CLCN5: variants seen among roughly 807,000 people sequenced by gnomAD.
CLCN5 encodes the protein H(+)/Cl(-) exchange transporter 5.
CLCN5 carries 17 observed loss-of-function variants against 54.0 expected under a neutral mutation model. The observed-to-expected ratio is 0.31, with a 90% CI of 0.22 to 0.47. The LOEUF (loss-of-function observed/expected upper bound fraction) is 0.47. Ranked by LOEUF, CLCN5 falls within the 20% of genes least tolerant of loss-of-function variation. CLCN5 has a pLI of 1.00. For missense variants in CLCN5, 448 were observed against 646.7 expected (o/e 0.69, Z 3.33); for synonymous variants, 222 against 233.0 (o/e 0.95, Z 0.43).
chrX:49,999,202 A>G (rs1557180021), intron 3 of CLCN5, among the ~76,000 whole-genome samples: 2 of 110,723 alleles, frequency 1.8e-5, no homozygotes, highest in Non-Finnish European at 3.8e-5. Context: ...GTCTGTGTAC[A>G]TCCTCTGTCT....
chrX:50,065,300 C>G (rs1248993787), intron 4 of CLCN5, among the ~76,000 whole-genome samples: 1 of 89,212 alleles, frequency 1.1e-5, no homozygotes, highest in Non-Finnish European at 2.2e-5. Context: ...ACAATGAACT[C>G]AAACAAATTT....
chrX:50,063,660 G>T (rs1557190297), intron 4 of CLCN5, among the ~76,000 whole-genome samples: 1 of 106,389 alleles, frequency 9.4e-6, no homozygotes, highest in Admixed American at 1.0e-4. Flanking sequence ...CTCATTTTAT[G>T]AGGCCAGCAT....
chrX:49,980,333 G>A (rs1403635079), intron 3 of CLCN5, among the ~76,000 whole-genome samples: 1 of 111,180 alleles, frequency 9.0e-6, no homozygotes, highest in African/African-American at 3.3e-5. Context: ...TTTAAATACT[G>A]TAAAATAACA....
chrX:49,986,085 A>G (rs1337640462), intron 3 of CLCN5, among the ~76,000 whole-genome samples: 1 of 111,420 alleles, frequency 9.0e-6, no homozygotes, highest in African/African-American at 3.3e-5. Flanking sequence ...ATTTGTAATA[A>G]TGTATTGGTT....
At chrX:50,071,284 G>A (rs782298376) in intron 5 of CLCN5, among the ~76,000 whole-genome samples, 4 of 111,694 alleles carry the variant, frequency 3.6e-5, no homozygotes, top group South Asian at 3.8e-4. Context: ...GTCACAACTC[G>A]AAAAGTTGAT....
intron 9 of CLCN5, among the ~76,000 whole-genome samples, chrX:50,082,648 G>A (rs782153023): frequency 1.8e-5 from 2 of 111,613 alleles, no homozygotes; most frequent in African/African-American, 3.3e-5. Flanking sequence ...TCTATGGTGA[G>A]TGGGAGAGTG....
intron 3 of CLCN5, among the ~76,000 whole-genome samples, chrX:50,018,754 C>T (rs2147421106): frequency 8.9e-6 from 1 of 112,194 alleles, no homozygotes; most frequent in South Asian, 3.7e-4. Flanking sequence ...CTAGATTACG[C>T]TAATTTATTT....
chrX:50,043,965 A>G (rs1159622391), intron 4 of CLCN5, among the ~76,000 whole-genome samples: 1 of 111,724 alleles, frequency 9.0e-6, no homozygotes, highest in African/African-American at 3.3e-5. Context: ...AATTCATATT[A>G]AGTACATAAG....
chrX:50,027,037 C>T (rs1250079804), intron 3 of CLCN5, among the ~76,000 whole-genome samples: 17 of 97,195 alleles, frequency 1.7e-4, no homozygotes, highest in African/African-American at 2.8e-4. Context: ...TTTTTTGAGA[C>T]GAAGTCTTGG....
At chrX:50,037,712 G>A (rs1932056940) in intron 3 of CLCN5, among the ~76,000 whole-genome samples, 1 of 111,631 alleles carries the variant, frequency 9.0e-6, no homozygotes, top group Non-Finnish European at 1.9e-5. Context: ...TGAAGGGGAA[G>A]GTACATATAT....
intron 3 of CLCN5, among the ~76,000 whole-genome samples, chrX:50,032,268 C>T (rs1366862994): frequency 1.9e-5 from 2 of 105,759 alleles, no homozygotes; most frequent in Admixed American, 1.0e-4. Flanking sequence ...TGGTATTTCT[C>T]GTTCTAGATT....
chrX:49,980,034 A>G (rs188297386), intron 3 of CLCN5, among the ~76,000 whole-genome samples: 104 of 111,792 alleles, frequency 9.3e-4, no homozygotes, highest in Non-Finnish European at 1.7e-3. Context: ...TATAAATACT[A>G]ACTAATCATA....
Position 50,052,199 on chromosome X carries a change from T to G in CLCN5, c.163+9737T>G, listed in dbSNP as rs189530720. On this transcript the variant is annotated intron_variant, in intron 4 of 14. Coordinates refer to ENST00000376091, the MANE Select transcript of CLCN5 (RefSeq NM_001127898.4). Reference sequence around the variant, plus strand: ...ATGTTCTTTATTAAGTTGAGGAAATTATACTTTATTCCTACTTTGCTGAGA... The same window carrying G: ...ATGTTCTTTATTAAGTTGAGGAAATGATACTTTATTCCTACTTTGCTGAGA... Among the ~76,000 whole-genome samples the G allele has an allele frequency of 4.5e-5, 5 of 111,977 alleles. No individual in the cohort carries two copies. In the East Asian group the frequency reaches 1.4e-3, roughly 31 times the overall value.
chrX:50,059,625 A>G (rs1402647752), intron 4 of CLCN5, among the ~76,000 whole-genome samples: 2 of 111,300 alleles, frequency 1.8e-5, no homozygotes, highest in African/African-American at 6.6e-5. Flanking sequence ...AGTAGAAAAG[A>G]ATAAAAGAAA....
intron 3 of CLCN5, among the ~76,000 whole-genome samples, chrX:49,947,915 T>A (rs1926838489): frequency 9.0e-6 from 1 of 110,977 alleles, no homozygotes; most frequent in Non-Finnish European, 1.9e-5. Context: ...TCTGCCATCT[T>A]ATTTCTCTAC....
intron 3 of CLCN5, among the ~76,000 whole-genome samples, chrX:49,998,329 C>A: frequency 9.0e-6 from 1 of 111,581 alleles, no homozygotes; most frequent in African/African-American, 3.3e-5. Context: ...CATATTCCTG[C>A]TCATACATGC....
intron 3 of CLCN5, among the ~76,000 whole-genome samples, chrX:49,966,145 G>A (rs991465558): frequency 1.8e-5 from 2 of 111,279 alleles, no homozygotes; most frequent in African/African-American, 6.5e-5. Context: ...ACTAGAACTA[G>A]TATTATTTCT....
chrX:50,087,207 A>G (rs1933920609), intron 11 of CLCN5, among the ~76,000 whole-genome samples: 1 of 111,887 alleles, frequency 8.9e-6, no homozygotes, highest in Admixed American at 9.5e-5. Context: ...TATTAAAATG[A>G]TATCTGACCA....
At position 49,934,371 on chromosome X, in the gene CLCN5, G is replaced by C. The variant is rs1925812308; in HGVS notation, c.16+9057G>C. Reference sequence around the variant, plus strand: ...TGTTTCATGTAATGCTGTTCTGTGTGTCAAGGGTTGGGGGAGGCAGGACTA... The same window carrying C: ...TGTTTCATGTAATGCTGTTCTGTGTCTCAAGGGTTGGGGGAGGCAGGACTA... On this transcript the variant is annotated intron_variant, in intron 3 of 14. Transcript: ENST00000376091. Among the ~76,000 whole-genome samples the C allele has an allele frequency of 3.6e-5, 4 of 111,250 alleles. No homozygotes were observed. In the Admixed American group the frequency reaches 3.9e-4, roughly 11 times the overall value.
Sources: gnomAD v4.1 joint callset for allele counts (sites outside exome capture counted in the v4.1 genomes callset) on GRCh38, gnomAD v4.1.1 for gene constraint, MANE v1.5 for transcripts, NCBI Gene and HGNC (gene_info 2026-07-23, HGNC 2026-07-21) for gene names.